TMCO5A: variants seen among roughly 807,000 people sequenced by gnomAD.
TMCO5A encodes the protein transmembrane and coiled-coil domain-containing protein 5A.
In TMCO5A, 34 loss-of-function variants were observed where a neutral mutation model predicts 42.3. The observed-to-expected ratio is 0.80, with a 90% confidence interval of 0.61 to 1.07. TMCO5A has a LOEUF of 1.07. Ranked by LOEUF, TMCO5A falls within the 50% of genes least tolerant of loss-of-function variation. The pLI, the probability that TMCO5A is intolerant of heterozygous loss-of-function variation, is 0.00. For missense variants in TMCO5A, 357 were observed against 327.9 expected, an observed-to-expected ratio of 1.09 and a Z score of -0.69; for synonymous variants, 131 against 115.6, an observed-to-expected ratio of 1.13 and a Z score of -0.86.
At chr15:37,953,379 C>G (rs1415957020), downstream of TMCO5A, among the ~76,000 whole-genome samples, 2 of 152,048 alleles carry the variant, frequency 1.3e-5, no homozygotes, top group African/African-American at 4.8e-5. Flanking sequence ...GAGAGAGATG[C>G]CATTCATTTG....
chr15:37,975,279 G>A, the TMCO5A span, among the ~76,000 whole-genome samples: 1 of 152,210 alleles, frequency 6.6e-6, no homozygotes, highest in African/African-American at 2.4e-5. Flanking sequence ...GTTGAGTTCA[G>A]GTCCCAAATA....
the TMCO5A span, among the ~76,000 whole-genome samples, chr15:38,009,324 G>T: frequency 2.6e-5 from 4 of 152,192 alleles, no homozygotes; most frequent in African/African-American, 4.8e-5. Context: ...CCCCTAAAGA[G>T]CTTTGCACAA....
At chr15:38,023,876 T>C in the TMCO5A span, among the ~76,000 whole-genome samples, 2 of 152,166 alleles carry the variant, frequency 1.3e-5, no homozygotes, top group African/African-American at 4.8e-5. Context: ...GTGAAATAGC[T>C]CTGTTCTCTC....
At chr15:37,963,346 G>A (rs1457288613) in intron 11 of TMCO5A, among the ~76,000 whole-genome samples, 1 of 152,078 alleles carries the variant, frequency 6.6e-6, no homozygotes, top group Non-Finnish European at 1.5e-5. Flanking sequence ...TTATGTCCGT[G>A]TATTTGCATG....
the TMCO5A span, among the ~76,000 whole-genome samples, chr15:38,009,746 G>C: frequency 6.6e-6 from 1 of 152,194 alleles, no homozygotes; most frequent in South Asian, 2.1e-4. Context: ...TGTGTGACCT[G>C]AGTCAAGTCA....
intron 10 of TMCO5A, 151 bp downstream of exon 10, chr15:37,943,549 C>T (rs1022717268): frequency 1.6e-6 from 1 of 641,178 alleles, no homozygotes; most frequent in African/African-American, 1.8e-5. Context: ...CATTCCAACC[C>T]TAAACAAACA....
chr15:37,938,111 GC>G (rs1272772307), intron 5 of TMCO5A, 46 bp from the exon 6 acceptor site: 2 of 1,484,080 alleles, frequency 1.3e-6, no homozygotes, highest in Admixed American at 3.9e-5. Context: ...GAAAGTCTTT[GC>G]CTTCTACACC....
downstream of TMCO5A, among the ~76,000 whole-genome samples, chr15:37,953,094 G>A (rs1370161255): frequency 6.6e-6 from 1 of 152,174 alleles, no homozygotes; most frequent in East Asian, 1.9e-4. Context: ...TCTAGACCCT[G>A]GCCCCTGAAA....
the TMCO5A span, among the ~76,000 whole-genome samples, chr15:38,038,315 T>C: frequency 2.0e-5 from 3 of 152,110 alleles, no homozygotes; most frequent in Non-Finnish European, 4.4e-5. Flanking sequence ...TAAATAAATA[T>C]AAGGGGAACC....
chr15:37,988,923 C>T, the TMCO5A span, among the ~76,000 whole-genome samples: 1 of 151,838 alleles, frequency 6.6e-6, no homozygotes, highest in Non-Finnish European at 1.5e-5. Flanking sequence ...AATTGGTATT[C>T]TTCTCTAAAT....
At chr15:37,966,816 G>A (rs1452183424) in exon 12 of TMCO5A, 4 of 648,980 alleles carry the variant, frequency 6.2e-6, no homozygotes, top group East Asian at 5.4e-5. Flanking sequence ...GAGGGATGGA[G>A]TACTCTGATT....
At chr15:37,943,127 A>G in intron 9 of TMCO5A, 1 of 412,152 alleles carries the variant, frequency 2.4e-6, no homozygotes, top group Non-Finnish European at 4.3e-6. Flanking sequence ...TAGTAGGTAA[A>G]ACTAACTACA....
chr15:37,953,728 G>A (rs1308990895), downstream of TMCO5A, among the ~76,000 whole-genome samples: 2 of 151,788 alleles, frequency 1.3e-5, no homozygotes, highest in South Asian at 2.1e-4. Flanking sequence ...AAGGCACCAG[G>A]GACCAATCCT....
the TMCO5A span, chr15:37,994,450 T>TA: frequency 1.3e-5 from 2 of 152,244 alleles, no homozygotes; most frequent in African/African-American, 4.8e-5. Context: ...TACCCTCAGA[T>TA]ATGGATGTAA....
intron 11 of TMCO5A, among the ~76,000 whole-genome samples, chr15:37,960,492 A>C (rs901809500): frequency 6.6e-6 from 1 of 152,128 alleles, no homozygotes; most frequent in South Asian, 2.1e-4. Context: ...TGCTATAAAC[A>C]TGAGTGTGCA....
chr15:37,940,836 G>A (rs1357441967), intron 6 of TMCO5A, among the ~76,000 whole-genome samples: 1 of 152,080 alleles, frequency 6.6e-6, no homozygotes, highest in African/African-American at 2.4e-5. Context: ...TATATTAAAA[G>A]GAAAAGGAAG....
chr15:38,024,475 C>T, the TMCO5A span, among the ~76,000 whole-genome samples: 1 of 152,116 alleles, frequency 6.6e-6, no homozygotes, highest in Admixed American at 6.5e-5. Flanking sequence ...CCATTTTCCC[C>T]CATTGAATTG....
At chr15:37,940,347 C>T (rs4924208) in intron 6 of TMCO5A, among the ~76,000 whole-genome samples, 39,269 of 152,106 alleles carry the variant, frequency 0.26, 5,790 homozygotes, top group African/African-American at 0.38. Context: ...ACACAACTCC[C>T]TCATATAAGC....
chr15:37,999,504 A>T, the TMCO5A span, among the ~76,000 whole-genome samples: 1 of 152,166 alleles, frequency 6.6e-6, no homozygotes, highest in Non-Finnish European at 1.5e-5. Flanking sequence ...TTCCTTTTGA[A>T]TTTGCAGGCC....
Sources: allele counts gnomAD v4.1 joint callset (sites outside exome capture counted in the v4.1 genomes callset), GRCh38; gene constraint gnomAD v4.1.1; transcripts MANE v1.5; gene names NCBI Gene and HGNC (gene_info 2026-07-23, HGNC 2026-07-21).